THSD1: variants seen among roughly 807,000 people sequenced by gnomAD.
THSD1 encodes thrombospondin type-1 domain-containing protein 1.
In THSD1, 34 loss-of-function variants were observed where a neutral mutation model predicts 46.3. That is an observed-to-expected ratio of 0.74 (90% CI 0.56 to 0.98). The LOEUF is 0.98. Ranked by LOEUF, THSD1 falls within the 50% of genes least tolerant of loss-of-function variation. The probability of loss-of-function intolerance (pLI) is 0.00; values close to 1 mark genes in which losing one functional copy is unlikely to be tolerated. For synonymous variants in THSD1, 407 were observed against 416.5 expected, an observed-to-expected ratio of 0.98 and a Z score of 0.28; for missense variants, 1,023 against 1,058.3, an observed-to-expected ratio of 0.97 and a Z score of 0.46.
chr13:52,386,347 T>G (rs1236398432), intron 3 of THSD1, among the ~76,000 whole-genome samples, 161 bp from the exon 4 acceptor site: 1 of 152,038 alleles, frequency 6.6e-6, no homozygotes, highest in African/African-American at 2.4e-5. Flanking sequence ...GCTCCTAACT[T>G]TAAAACAAAG....
intron 3 of THSD1, among the ~76,000 whole-genome samples, chr13:52,387,969 C>T (rs1957746073): frequency 6.6e-6 from 1 of 151,944 alleles, no homozygotes; most frequent in African/African-American, 2.4e-5. Context: ...AAACACCATG[C>T]AGGATAAATA....
At chr13:52,379,738 G>A (rs1957677366) in intron 4 of THSD1, among the ~76,000 whole-genome samples, 1 of 152,142 alleles carries the variant, frequency 6.6e-6, no homozygotes, top group African/African-American at 2.4e-5. Context: ...CTCCCAAAGT[G>A]CTGGGATTAC....
At chr13:52,384,180 G>GAT (rs1566962571) in intron 4 of THSD1, 1 of 291,222 alleles carries the variant, frequency 3.4e-6, no homozygotes, top group South Asian at 2.7e-5. Flanking sequence ...GCGAAACTCC[G>GAT]TCTCAAAAAA....
At chr13:52,403,231 A>T (rs1031100256) in intron 1 of THSD1, among the ~76,000 whole-genome samples, 39 of 152,050 alleles carry the variant, frequency 2.6e-4, no homozygotes, top group South Asian at 4.2e-4. Flanking sequence ...AAGCTTTTTT[A>T]AAAAAAAGAT....
chr13:52,377,213 T>C lies in THSD1; in HGVS notation c.*198A>G, dbSNP rs569105285. ...ATCATTGTTATTACTAATAAATCAATAGAAATTGAATAACAAAGGAAAAAG... is the reference window on the plus strand; with the variant it reads ...ATCATTGTTATTACTAATAAATCAACAGAAATTGAATAACAAAGGAAAAAG... On this transcript the variant is annotated 3_prime_UTR_variant, in exon 5 of 5. Coordinates refer to ENST00000258613, the MANE Select transcript of THSD1 (RefSeq NM_018676.4). The C allele has an allele frequency of 2.3e-6, 3 of 1,314,324 alleles. No homozygotes were observed. Among genetic ancestry groups the C allele is most frequent in the East Asian group, 2.7e-5 (1 of 36,506 alleles). The allele number at this position is 1,314,324 out of a possible 1,614,324, so 81.4% of individuals were successfully genotyped here.
chr13:52,387,761 C>T (rs942623798), intron 3 of THSD1, among the ~76,000 whole-genome samples: 1 of 151,706 alleles, frequency 6.6e-6, no homozygotes, highest in Non-Finnish European at 1.5e-5. Flanking sequence ...TAGAAATGTC[C>T]CAAACTAAAA....
chr13:52,378,112 G>A lies in THSD1; in HGVS notation c.1858C>T (p.Pro620Ser), dbSNP rs1188780320. The A allele has an allele frequency of 6.2e-7, 1 of 1,614,196 alleles. No individual in the cohort carries two copies. Among genetic ancestry groups the A allele is most frequent in the Non-Finnish European group, 8.5e-7 (1 of 1,180,036 alleles). Residue 620 changes from proline (P) to serine (S), a missense_variant, in exon 5 of 5, where the codon CCC (proline) becomes TCC (serine). Pro to Ser is a moderately conservative substitution (Grantham distance 74, BLOSUM62 -1). Transcript: ENST00000258613. ...NVTQASCAISPSQTLIRKSQA... is the reference protein window; with the variant it reads ...NVTQASCAISSSQTLIRKSQA... The stretch of plus-strand genomic sequence containing the variant: ...GACTTGCGGATCAGAGTCTGGCTGG[G>A]GCTTATGGCACAACTGGCCTGAGTC...
intron 4 of THSD1, among the ~76,000 whole-genome samples, chr13:52,382,025 C>T (rs1310710223): frequency 6.6e-6 from 1 of 152,218 alleles, no homozygotes; most frequent in Admixed American, 6.5e-5. Flanking sequence ...GCAACTCTCT[C>T]TCTCCCTTTT....
rs1350083169 is a variant in THSD1 at position 52,378,295 on chromosome 13, G to C, written c.1675C>G (p.Leu559Val). Residue 559 changes from leucine (L) to valine (V), a missense_variant, in exon 5 of 5, where the codon CTG becomes GTG. Coordinates refer to ENST00000258613, the MANE Select transcript of THSD1 (RefSeq NM_018676.4). ...GCCGCATCAATGGCAGTGTCTGTCA[G>C]GGGACTCTGAGACACGTGATACACT... ...TKVYHVSQSPLTDTAIDAAPS... is the reference protein window; with the variant it reads ...TKVYHVSQSPVTDTAIDAAPS... 1.2e-6 allele frequency: 2 copies of C among 1,614,232 alleles called. No homozygotes were observed. Among genetic ancestry groups the C allele is most frequent in the Non-Finnish European group, 1.7e-6 (2 of 1,180,040 alleles).
rs1279517856 is a variant in THSD1 at position 52,378,744 on chromosome 13, A to T, written c.1226T>A (p.Val409Glu). The change falls in exon 5 of 5, where the codon GTG (valine) becomes GAG (glutamate). Residue 409 changes from valine to glutamate, a missense_variant. By Grantham distance (121) the Val-to-Glu change is moderately radical. Coordinates refer to ENST00000258613, the MANE Select transcript of THSD1 (RefSeq NM_018676.4). ...SPSPLQPQGP[V>E]KSNNIVTVTG... ...GACAGTCACGATGTTGTTGGACTTCACTGGACCCTGGGGCTGAAGAGGAGA... is the reference window on the plus strand; with the variant it reads ...GACAGTCACGATGTTGTTGGACTTCTCTGGACCCTGGGGCTGAAGAGGAGA... 1.2e-6 allele frequency: 2 copies of T among 1,612,386 alleles called. No homozygotes were observed. Among genetic ancestry groups the T allele is most frequent in the Non-Finnish European group, 1.7e-6 (2 of 1,179,922 alleles).
At chr13:52,382,960 C>T in intron 4 of THSD1, among the ~76,000 whole-genome samples, 1 of 151,794 alleles carries the variant, frequency 6.6e-6, no homozygotes, top group Non-Finnish European at 1.5e-5. Context: ...GAGATCATGC[C>T]ACTGCACTCC....
chr13:52,387,938 C>T (rs1957745937), intron 3 of THSD1, among the ~76,000 whole-genome samples: 1 of 151,952 alleles, frequency 6.6e-6, no homozygotes, highest in Admixed American at 6.6e-5. Flanking sequence ...GACTCCAAAC[C>T]ACATATCCAA....
At position 52,397,845 on chromosome 13, in the gene THSD1, C is replaced by A; in HGVS notation, c.408G>T (p.Arg136Ser). The change falls in exon 3 of 5, where the codon AGG becomes AGT. Residue 136 changes from arginine to serine, a missense_variant. Arg to Ser is a moderately radical substitution (Grantham distance 110). Around this residue, in one of 3 missense-constraint regions of THSD1, gnomAD observed 429 missense variants for 518.3 expected, o/e 0.83. Coordinates refer to ENST00000258613, the MANE Select transcript of THSD1 (RefSeq NM_018676.4). ...AGGTGCCTTCTGCTGCCTTGGCACTCCTATTCAAGTCAACGTGAAAGACAG... is the reference window on the plus strand; with the variant it reads ...AGGTGCCTTCTGCTGCCTTGGCACTACTATTCAAGTCAACGTGAAAGACAG... ...EWPVFHVDLN[R>S]SAKAAEGTFQ... 6.2e-7 allele frequency: 1 copy of A among 1,614,250 alleles called. No individual in the cohort carries two copies. Among genetic ancestry groups the A allele is most frequent in the Middle Eastern group, 1.6e-4 (1 of 6,062 alleles).
intron 3 of THSD1, among the ~76,000 whole-genome samples, chr13:52,393,613 G>A (rs745867888): frequency 3.3e-5 from 5 of 152,208 alleles, no homozygotes; most frequent in Admixed American, 2.6e-4. Flanking sequence ...AGCCCAGATC[G>A]CACCACTGCA....
intron 4 of THSD1, chr13:52,384,518 C>A: frequency 4.9e-6 from 2 of 406,124 alleles, no homozygotes; most frequent in South Asian, 3.6e-5. Context: ...GGTCTGAGCC[C>A]AGCATAATGA....
At position 52,377,300 on chromosome 13, in the gene THSD1, T is replaced by C; in HGVS notation, c.*111A>G. The C allele has an allele frequency of 6.4e-6, 9 of 1,398,914 alleles. No homozygotes were observed. Among genetic ancestry groups the C allele is most frequent in the Non-Finnish European group, 9.3e-7 (1 of 1,070,770 alleles). 86.7% of individuals were successfully genotyped at this position (1,398,914 alleles called of 1,614,324 possible). A position where few individuals can be genotyped will look rare whatever the true frequency, so the allele number is the denominator to read the frequency against. Reference sequence around the variant, plus strand: ...ACATGCATACACACACATCCTCCTCTGTGTGTTACTTCCTCCTCACATTCT... The same window carrying C: ...ACATGCATACACACACATCCTCCTCCGTGTGTTACTTCCTCCTCACATTCT... On this transcript the variant is annotated 3_prime_UTR_variant, in exon 5 of 5. Coordinates refer to ENST00000258613, the MANE Select transcript of THSD1 (RefSeq NM_018676.4).
At chr13:52,388,157 T>A (rs1957747290) in intron 3 of THSD1, among the ~76,000 whole-genome samples, 1 of 150,038 alleles carries the variant, frequency 6.7e-6, no homozygotes, top group Non-Finnish European at 1.5e-5. Flanking sequence ...TCTAAAGTAC[T>A]GAAAGAAAAA....
chr13:52,377,857 A>G lies in THSD1; in HGVS notation c.2113T>C (p.Phe705Leu). The G allele has an allele frequency of 6.2e-7, 1 of 1,614,130 alleles. No homozygotes were observed. The highest frequency in any genetic ancestry group is 1.7e-5 in the Admixed American group (1 of 60,020). The stretch of plus-strand genomic sequence containing the variant: ...TGGAAATGCTCCAGTTTTTCAGGAA[A>G]CAGGTGGGCACCTCGACTCTGAGGC... ...FRPQSRGAHL[F>L]PEKLEHFQEA... Residue 705 changes from phenylalanine (F) to leucine (L), a missense_variant, in exon 5 of 5, where the codon TTT (phenylalanine) becomes CTT (leucine). Phe to Leu is a conservative substitution (Grantham distance 22, BLOSUM62 0). This residue lies in a region of THSD1 where 578 missense variants were observed against 497.4 expected (regional missense o/e 1.16). Coordinates refer to ENST00000258613, the MANE Select transcript of THSD1 (RefSeq NM_018676.4).
rs1445493356 is a variant in THSD1, at chr13:52,378,325, T to C, written c.1645A>G (p.Thr549Ala). The C allele has an allele frequency of 2.5e-6, 4 of 1,614,078 alleles. No homozygotes were observed. The East Asian group carries it at 6.7e-5, about 27-fold the overall frequency. The part of the protein sequence containing the change: ...EMKKKGLTET[T>A]KVYHVSQSPL... Reference sequence around the variant, plus strand: ...CTCTGAGACACGTGATACACTTTGGTAGTTTCCGTCAGACCTTTCTTTTTC... The same window carrying C: ...CTCTGAGACACGTGATACACTTTGGCAGTTTCCGTCAGACCTTTCTTTTTC... The change falls in exon 5 of 5, where the codon ACC (threonine) becomes GCC (alanine). Residue 549 changes from threonine (T) to alanine (A), a missense_variant. Transcript: ENST00000258613.
Sources: allele counts gnomAD v4.1 joint callset (sites outside exome capture counted in the v4.1 genomes callset), GRCh38; gene constraint gnomAD v4.1.1; regional missense constraint gnomAD v4.1.1; transcripts MANE v1.5; gene names NCBI Gene and HGNC (gene_info 2026-07-23, HGNC 2026-07-21).